POLG: variants seen among roughly 807,000 people sequenced by gnomAD.
The protein encoded by POLG is DNA polymerase gamma, catalytic subunit, also known as DNA polymerase subunit gamma-1.
In POLG, 110 loss-of-function variants were observed where a neutral mutation model predicts 155.4. That is an observed-to-expected ratio of 0.71 (90% CI 0.61 to 0.83). The LOEUF (loss-of-function observed/expected upper bound fraction) is 0.83, where lower values mean the gene tolerates loss of function less well. Ranked by LOEUF, POLG falls within the 40% of genes least tolerant of loss-of-function variation. The pLI, the probability that POLG is intolerant of heterozygous loss-of-function variation, is 0.00. For missense variants in POLG, 1,685 were observed against 1,627.5 expected (o/e 1.04, Z -0.61); for synonymous variants, 701 against 631.5 (o/e 1.11, Z -1.65).
At chr15:89,328,356 G>T in intron 6 of POLG, 100 bp downstream of exon 6, 1 of 901,244 alleles carries the variant, frequency 1.1e-6, no homozygotes, top group African/African-American at 1.6e-5. Flanking sequence ...AAAAGCTAAG[G>T]TCCCCAACCT....
intron 13 of POLG, 79 bp from the exon 14 acceptor site, chr15:89,322,981 C>A: frequency 1.4e-6 from 2 of 1,383,466 alleles, no homozygotes; most frequent in Non-Finnish European, 2.0e-6. Context: ...TACCTGCACT[C>A]CTCCCAACAC....
In POLG at chr15:89,325,097, TGA is replaced by T. The variant is rs1193588694; in HGVS notation, c.1949+351_1949+352del. Among the ~76,000 whole-genome samples the T allele has an allele frequency of 1.0e-3, 36 of 35,214 alleles. 6 individuals carry two copies. The highest frequency in any genetic ancestry group is 4.7e-3 in the Admixed American group (20 of 4,246). The allele number at this position is 35,214 out of a possible 152,430, so 23.1% of individuals were successfully genotyped here. On this transcript the variant is annotated intron_variant, in intron 10 of 22. Transcript: ENST00000268124. ...GTGAGTGAGTGAGAGAGTGAGTGAG[TGA>T]GAGAGTGAGAGAGAGTGAGTGAGTG...
intron 18 of POLG, 111 bp from the exon 19 acceptor site, chr15:89,319,461 T>C: frequency 7.0e-7 from 1 of 1,424,246 alleles, no homozygotes; most frequent in Non-Finnish European, 9.7e-7. Context: ...ACTGACATCA[T>C]GCCAGTCCCC....
At chr15:89,325,794 TTC>T in intron 9 of POLG, 108 bp from the exon 10 acceptor site, 7 of 921,980 alleles carry the variant, frequency 7.6e-6, no homozygotes, top group Non-Finnish European at 1.1e-5. Flanking sequence ...CCCTGGGGCT[TTC>T]TGGTGACCCC....
At chr15:89,324,405 ACAGCACCCTGG>A in intron 10 of POLG, 178 bp from the exon 11 acceptor site, 1 of 738,662 alleles carries the variant, frequency 1.4e-6, no homozygotes, top group South Asian at 1.5e-5. Flanking sequence ...ACTGAAAATG[ACAGCACCCTGG>A]CAGCAGGCTG....
intron 15 of POLG, 46 bp from the exon 16 acceptor site, chr15:89,321,899 G>A: frequency 6.2e-7 from 1 of 1,606,410 alleles, no homozygotes; most frequent in South Asian, 1.1e-5. Context: ...AGGGTGCTTT[G>A]GCCTTAGGAC....
At position 89,320,843 on chromosome 15, in the gene POLG, C is replaced by T. The variant is rs1352655544; in HGVS notation, c.2904G>A (p.Gln968=). ...CCTGCTGTGTGAGCCGGTGGTTAAA[C>T]TGCATTAGTAAGCGCTCAGCAAAGG... ...GQPFAERLLM[Q]FNHRLTQQEA... is the part of the protein sequence containing the mutation. Residue 968 remains glutamine (Q), a synonymous_variant, in exon 18 of 23, where the codon CAG becomes CAA. Coordinates refer to ENST00000268124, the MANE Select transcript of POLG (RefSeq NM_002693.3). The T allele has an allele frequency of 6.2e-7, 1 of 1,614,052 alleles. No homozygotes were observed. The highest frequency in any genetic ancestry group is 1.7e-5 in the Admixed American group (1 of 60,034).
intron 2 of POLG, among the ~76,000 whole-genome samples, chr15:89,331,220 G>A (rs1211732537): frequency 6.6e-6 from 1 of 152,126 alleles, no homozygotes; most frequent in Non-Finnish European, 1.5e-5. Context: ...GCAAAAAGAG[G>A]TTCCTAGTTT....
rs995487298 is a variant in POLG at position 89,333,218 on chromosome 15, G to A, written c.537C>T (p.Gly179=). The change falls in exon 2 of 23, where the codon GGC becomes GGT. Residue 179 remains glycine, a synonymous_variant. Coordinates refer to ENST00000268124, the MANE Select transcript of POLG (RefSeq NM_002693.3). ...WAWAEGWTRY[G]PEGEAVPVAI... is the part of the protein sequence containing the mutation. ...CCACGGGTACGGCCTCCCCCTCGGG[G>A]CCGTACCGGGTCCAGCCCTCCGCCC... is the stretch of plus-strand genomic sequence containing the variant. 2 of 1,579,214 alleles carry A rather than the reference G, an allele frequency of 1.3e-6. No individual in the cohort carries two copies. Among genetic ancestry groups the A allele is most frequent in the East Asian group, 2.3e-5 (1 of 44,066 alleles).
intron 18 of POLG, among the ~76,000 whole-genome samples, chr15:89,319,613 G>T (rs1034932989): frequency 2.6e-5 from 4 of 152,154 alleles, no homozygotes; most frequent in African/African-American, 9.7e-5. Flanking sequence ...AAAGGACAAA[G>T]ACTCCAGCAC....
In POLG at chr15:89,333,850, C is replaced by T. The variant is rs1442516220; in HGVS notation, c.-96G>A. ...TGGCTGGAAGACGTGGAGAGAGACA[C>T]GTCCTGTCTCTGCTCTCCTGTCAGT... On this transcript the variant is annotated 5_prime_UTR_variant, in exon 2 of 23. In the 5' UTR this introduces an upstream ATG that the reference lacks. Transcript: ENST00000268124. The T allele has an allele frequency of 2.2e-6, 3 of 1,379,700 alleles. No homozygotes were observed. The highest frequency in any genetic ancestry group is 1.2e-5 in the South Asian group (1 of 80,346). 85.5% of individuals were successfully genotyped at this position (1,379,700 alleles called of 1,614,324 possible).
Position 89,333,861 on chromosome 15 carries a change from TG to T in POLG, c.-108del. On this transcript the variant is annotated 5_prime_UTR_variant, in exon 2 of 23. The change abolishes the stop of an existing upstream ORF in the 5' untranslated region. Transcript: ENST00000268124. ...CGTGGAGAGAGACACGTCCTGTCTC[TG>T]CTCTCCTGTCAGTGAAATGGGTTTG... 6.8e-6 allele frequency: 9 copies of T among 1,329,894 alleles called. No homozygotes were observed. The highest frequency in any genetic ancestry group is 8.3e-6 in the Non-Finnish European group (8 of 962,970). The allele number at this position is 1,329,894 out of a possible 1,614,324, so 82.4% of individuals were successfully genotyped here.
In POLG at chr15:89,323,153, G is replaced by A. The variant is rs192622851; in HGVS notation, c.2265+251C>T. On this transcript the variant is annotated intron_variant, in intron 13 of 22. Coordinates refer to ENST00000268124, the MANE Select transcript of POLG (RefSeq NM_002693.3). The stretch of plus-strand genomic sequence containing the variant: ...ATAACAAATCGGAAAAACCTATCAC[G>A]TACCAGATGTCGTACCAAACATACG... Among the ~76,000 whole-genome samples the A allele has an allele frequency of 1.4e-3, 213 of 152,300 alleles. 1 individual carries two copies. The highest frequency in any genetic ancestry group is 4.6e-3 in the African/African-American group (191 of 41,558).
At position 89,333,929 on chromosome 15, in the gene POLG, G is replaced by T. The variant is rs1353718890; in HGVS notation, c.-159-16C>A. 7.4e-6 allele frequency: 5 copies of T among 679,868 alleles called. No individual in the cohort carries two copies. Among genetic ancestry groups the T allele is most frequent in the South Asian group, 5.5e-5 (3 of 54,866 alleles). 42.1% of individuals were successfully genotyped at this position (679,868 alleles called of 1,614,324 possible). On this transcript the variant is annotated splice_polypyrimidine_tract_variant and intron_variant, in intron 1 of 22. Transcript: ENST00000268124. ...ACCCCAAATCCTAAAGGAGACAGAT[G>T]ATATAAAGCGTTATTTTACCATATA... is the stretch of plus-strand genomic sequence containing the variant.
chr15:89,330,298 C>T, intron 2 of POLG, 22 bp from the exon 3 acceptor site: 2 of 1,591,002 alleles, frequency 1.3e-6, no homozygotes, highest in Non-Finnish European at 1.7e-6. Context: ...GAGAGGCAGG[C>T]AGGTTCACCA....
chr15:89,318,990 T>TA lies in POLG; in HGVS notation c.3213dup (p.Thr1072TyrfsTer36). The TA allele has an allele frequency of 6.2e-7, 1 of 1,614,038 alleles. No individual in the cohort carries two copies. Among genetic ancestry groups the TA allele is most frequent in the Non-Finnish European group, 8.5e-7 (1 of 1,179,996 alleles). ...CTGATGCAGCAGCCCAGCACCGGGG[T>TA]ACGTGGTATGTCAGACGTAGCAATG... is the stretch of plus-strand genomic sequence containing the variant. On this transcript the variant is annotated frameshift_variant, in exon 20 of 23. Transcript: ENST00000268124. LOFTEE classifies it high-confidence loss of function.
chr15:89,321,618 G>A (rs943977296), intron 16 of POLG, 118 bp downstream of exon 16: 2 of 835,110 alleles, frequency 2.4e-6, no homozygotes, highest in South Asian at 1.3e-5. Flanking sequence ...AGTCCTGCCT[G>A]ACCCAGATCA....
At chr15:89,317,022 A>G in intron 22 of POLG, 195 bp from the exon 23 acceptor site, 1 of 609,596 alleles carries the variant, frequency 1.6e-6, no homozygotes, top group Non-Finnish European at 2.9e-6. Context: ...TATTTTAAAT[A>G]GAAAATAAGC....
intron 2 of POLG, among the ~76,000 whole-genome samples, chr15:89,330,868 T>C (rs1161019208): frequency 1.4e-5 from 2 of 143,852 alleles, no homozygotes; most frequent in Non-Finnish European, 3.0e-5. Flanking sequence ...CCAGGGAAAG[T>C]GCCAGAATGA....
Sources: gnomAD v4.1 joint callset for allele counts (sites outside exome capture counted in the v4.1 genomes callset) on GRCh38, gnomAD v4.1.1 for gene constraint, MANE v1.5 for transcripts, NCBI Gene and HGNC (gene_info 2026-07-23, HGNC 2026-07-21) for gene names.